Variants in PARD3B observed in about 807,000 individuals in gnomAD.
PARD3B encodes par-3 family cell polarity regulator beta, also known as partitioning defective 3 homolog B.
Under a neutral mutation model 130.2 loss-of-function variants are expected in PARD3B, and 103 were observed. That is an observed-to-expected ratio of 0.79 (90% CI 0.67 to 0.93). The LOEUF is 0.93. Among genes scored for constraint, PARD3B ranks in the 40% least tolerant of loss-of-function variants. PARD3B has a pLI of 0.00. For missense variants in PARD3B, 1,609 were observed against 1,499.2 expected (o/e 1.07, Z -1.21); for synonymous variants, 583 against 553.2 (o/e 1.05, Z -0.76).
At chr2:204,565,666 C>T (rs1362087874) in intron 1 of PARD3B, among the ~76,000 whole-genome samples, 3 of 152,162 alleles carry the variant, frequency 2.0e-5, no homozygotes, top group African/African-American at 7.2e-5. Flanking sequence ...ATGCTGTCAT[C>T]TGTTTTCCTT....
chr2:204,877,104 G>T (rs910372457), intron 2 of PARD3B, among the ~76,000 whole-genome samples: 9 of 152,142 alleles, frequency 5.9e-5, no homozygotes, highest in African/African-American at 2.2e-4. Context: ...GGACGTGGAT[G>T]AAGCTGGAAA....
rs576629981 is a variant in PARD3B at position 204,864,918 on chromosome 2, G to A, written c.223-100234G>A. Among the ~76,000 whole-genome samples, 103 of 152,168 alleles carry A rather than the reference G, an allele frequency of 6.8e-4. 3 individuals are homozygous for A. The highest frequency in any genetic ancestry group is 3.5e-4 in the Non-Finnish European group (24 of 67,984). Reference sequence around the variant, plus strand: ...GACATCATCCCTGGTTGAGAAATATGATATACAGCAAGAACAAAACAATCC... The same window carrying A: ...GACATCATCCCTGGTTGAGAAATATAATATACAGCAAGAACAAAACAATCC... On this transcript the variant is annotated intron_variant, in intron 2 of 22. Transcript: ENST00000406610.
intron 10 of PARD3B, among the ~76,000 whole-genome samples, chr2:205,126,607 G>A (rs564829223): frequency 7.3e-5 from 11 of 151,174 alleles, no homozygotes; most frequent in South Asian, 2.1e-4. Context: ...TTAGCCGGGC[G>A]CGGTGGCGGG....
chr2:205,164,952 A>G (rs2034721011), intron 11 of PARD3B, among the ~76,000 whole-genome samples: 1 of 152,026 alleles, frequency 6.6e-6, no homozygotes. Context: ...TTGTTCTAGC[A>G]TTCTGGTTGT....
At chr2:204,961,314 G>A (rs1469417914) in intron 2 of PARD3B, among the ~76,000 whole-genome samples, 1 of 152,142 alleles carries the variant, frequency 6.6e-6, no homozygotes, top group African/African-American at 2.4e-5. Context: ...TGGGTCCAAA[G>A]TGGTGACACT....
intron 20 of PARD3B, among the ~76,000 whole-genome samples, chr2:205,497,980 C>T (rs911449451): frequency 6.6e-6 from 1 of 150,428 alleles, no homozygotes; most frequent in African/African-American, 2.5e-5. Flanking sequence ...AGTACTAGAC[C>T]AGCCTGGCCA....
intron 4 of PARD3B, among the ~76,000 whole-genome samples, chr2:205,096,304 C>CA (rs1702394525): frequency 6.6e-6 from 1 of 152,056 alleles, no homozygotes; most frequent in African/African-American, 2.4e-5. Flanking sequence ...GTCTGGTCAC[C>CA]AGACAAAGCA....
At chr2:204,756,731 A>G (rs1446188442) in intron 2 of PARD3B, among the ~76,000 whole-genome samples, 1 of 152,152 alleles carries the variant, frequency 6.6e-6, no homozygotes, top group Non-Finnish European at 1.5e-5. Context: ...TAGATGAAAT[A>G]GAGTAAGAAA....
chr2:205,121,625 C>G lies in PARD3B; in HGVS notation c.841C>G (p.Pro281Ala). 1 of 1,614,006 alleles carries G rather than the reference C, an allele frequency of 6.2e-7. No homozygotes were observed. Among genetic ancestry groups the G allele is most frequent in the Non-Finnish European group, 8.5e-7 (1 of 1,179,908 alleles). The change falls in exon 8 of 23, where the codon CCA becomes GCA. Residue 281 changes from proline (P) to alanine (A), a missense_variant. Transcript: ENST00000406610. This position sits in a 1 kb window ranked among gnomAD's most constrained non-coding sequence, Gnocchi z 5.0. ...TGTCTTCCGCCAGGCAATGAAATCT[C>G]CAAGTGTGCTCCTCCACGTGCTTCC... is the stretch of plus-strand genomic sequence containing the variant. Reference protein sequence around the residue: ...QDVFRQAMKSPSVLLHVLPPQ... With the variant: ...QDVFRQAMKSASVLLHVLPPQ...
intron 2 of PARD3B, among the ~76,000 whole-genome samples, chr2:204,865,352 A>G (rs929335541): frequency 6.6e-6 from 1 of 152,248 alleles, no homozygotes; most frequent in African/African-American, 2.4e-5. Flanking sequence ...CAATCAGGAA[A>G]ATATGGAGCC....
chr2:204,957,676 A>G (rs1690381116), intron 2 of PARD3B, among the ~76,000 whole-genome samples: 1 of 151,998 alleles, frequency 6.6e-6, no homozygotes, highest in African/African-American at 2.4e-5. Context: ...GTACTTTGAA[A>G]CCTTTGTTTA....
Position 204,776,579 on chromosome 2 carries a change from T to C in PARD3B, c.222+90297T>C, listed in dbSNP as rs143457544. ...GCAGAATTGTGTGGATATTTATGAC[T>C]CCCTTTCCAAGCATATTCCTTTTTT... On this transcript the variant is annotated intron_variant, in intron 2 of 22. Transcript: ENST00000406610. Among the ~76,000 whole-genome samples, 123 of 152,132 alleles carry C rather than the reference T, an allele frequency of 8.1e-4. 2 individuals are homozygous for C. In the East Asian group the frequency reaches 0.023, roughly 29 times the overall value.
In PARD3B at chr2:205,321,316, A is replaced by G. The variant is rs890226865; in HGVS notation, c.2630+19615A>G. Among the ~76,000 whole-genome samples, 4 of 152,158 alleles carry G rather than the reference A, an allele frequency of 2.6e-5. No homozygotes were observed. The highest frequency in any genetic ancestry group is 5.9e-5 in the Non-Finnish European group (4 of 68,012). ...TTAACCTCAAAACTTAGATTTTTTT[A>G]AAGTTTGTATTATGAAATAATTTTA... On this transcript the variant is annotated intron_variant, in intron 18 of 22. Coordinates refer to ENST00000406610, the MANE Select transcript of PARD3B (RefSeq NM_001302769.2). This position sits in a 1 kb window ranked among gnomAD's most constrained non-coding sequence, Gnocchi z 4.2.
In PARD3B at chr2:205,473,892, G is replaced by A. The variant is rs367981367; in HGVS notation, c.3045-26004G>A. Among the ~76,000 whole-genome samples, 32 of 147,744 alleles carry A rather than the reference G, an allele frequency of 2.2e-4. No individual in the cohort carries two copies. Among genetic ancestry groups the A allele is most frequent in the African/African-American group, 7.1e-4 (27 of 37,892 alleles). ...TACCAAATTATACTTTTGCAAGCTT[G>A]ATCTTCAACCTCACTTATGTCCCCA... On this transcript the variant is annotated intron_variant, in intron 20 of 22. Coordinates refer to ENST00000406610, the MANE Select transcript of PARD3B (RefSeq NM_001302769.2). The surrounding 1 kb of genome is among the most constrained non-coding windows in gnomAD (Gnocchi z 4.9).
Position 205,253,270 on chromosome 2 carries a change from C to A in PARD3B, c.2185+7448C>A. 1 of 474,652 alleles carries A rather than the reference C, an allele frequency of 2.1e-6. No individual in the cohort carries two copies. The highest frequency in any genetic ancestry group is 2.3e-5 in the Admixed American group (1 of 43,136). The allele number at this position is 474,652 out of a possible 1,614,324, so 29.4% of individuals were successfully genotyped here. On this transcript the variant is annotated intron_variant, in intron 16 of 22. Coordinates refer to ENST00000406610, the MANE Select transcript of PARD3B (RefSeq NM_001302769.2). This position sits in a 1 kb window ranked among gnomAD's most constrained non-coding sequence, Gnocchi z 4.4. The stretch of plus-strand genomic sequence containing the variant: ...AGAAGATAGAGACAGGGTAGATAGA[C>A]ACTTAAGAGTAAAATGTATTAACAC...
chr2:204,838,695 A>T (rs1010497099), intron 2 of PARD3B, among the ~76,000 whole-genome samples: 50 of 152,158 alleles, frequency 3.3e-4, no homozygotes, highest in African/African-American at 1.1e-3. Flanking sequence ...TATTTCACAT[A>T]GCTATTAGAG....
chr2:205,102,448 G>T (rs1276707209), intron 4 of PARD3B, among the ~76,000 whole-genome samples: 2 of 151,268 alleles, frequency 1.3e-5, no homozygotes, highest in Non-Finnish European at 2.9e-5. Flanking sequence ...TTTGTAACCC[G>T]CCCAACCCTG....
chr2:205,431,653 T>C (rs1254153625), intron 19 of PARD3B, among the ~76,000 whole-genome samples: 1 of 151,876 alleles, frequency 6.6e-6, no homozygotes, highest in Non-Finnish European at 1.5e-5. Flanking sequence ...GTATTTTTAG[T>C]AGAGACGGGG....
intron 16 of PARD3B, among the ~76,000 whole-genome samples, chr2:205,246,758 A>G (rs2039590539): frequency 6.6e-6 from 1 of 152,010 alleles, no homozygotes; most frequent in South Asian, 2.1e-4. Context: ...CAAGATTATG[A>G]TTTTTTTCCT....
Sources: gnomAD v4.1 joint callset for allele counts (sites outside exome capture counted in the v4.1 genomes callset) on GRCh38, gnomAD v4.1.1 for gene constraint, Gnocchi (gnomAD v3.1) non-coding constraint, MANE v1.5 for transcripts, NCBI Gene and HGNC (gene_info 2026-07-23, HGNC 2026-07-21) for gene names.